PCDHGB6: variants seen among roughly 807,000 people sequenced by gnomAD.
PCDHGB6 encodes protocadherin gamma-B6.
Under a neutral mutation model 59.1 loss-of-function variants are expected in PCDHGB6, and 51 were observed. The observed-to-expected ratio is 0.86, with a 90% CI of 0.69 to 1.09. The LOEUF (loss-of-function observed/expected upper bound fraction) is 1.09, where lower values mean the gene tolerates loss of function less well. PCDHGB6 is among the 50% of genes least tolerant of loss of function. The pLI is 0.00. For synonymous variants in PCDHGB6, 466 were observed against 495.1 expected (o/e 0.94, Z 0.78); for missense variants, 1,148 against 1,205.1 (o/e 0.95, Z 0.70).
intron 1 of PCDHGB6, chr5:141,413,740 C>T (rs1274240064): frequency 5.6e-6 from 9 of 1,613,284 alleles, no homozygotes; most frequent in African/African-American, 1.3e-5. Flanking sequence ...AGTTCAGAGC[C>T]GTGCCAATGG....
chr5:141,415,020 C>T, intron 1 of PCDHGB6: 2 of 1,613,560 alleles, frequency 1.2e-6, no homozygotes, highest in Non-Finnish European at 1.7e-6. Context: ...TGCTCAAGGC[C>T]AGCGAGCCGG....
At chr5:141,414,026 C>A in intron 1 of PCDHGB6, 1 of 1,612,468 alleles carries the variant, frequency 6.2e-7, no homozygotes, top group Non-Finnish European at 8.5e-7. Flanking sequence ...GTGACATATT[C>A]ATTCCGAAAA....
intron 1 of PCDHGB6, chr5:141,416,320 A>G (rs1482631457): frequency 1.3e-5 from 2 of 152,208 alleles, no homozygotes; most frequent in East Asian, 1.9e-4. Flanking sequence ...TAGCATTTTA[A>G]TTTAACTTTC....
intron 1 of PCDHGB6, chr5:141,478,355 G>A: frequency 6.2e-7 from 1 of 1,613,742 alleles, no homozygotes; most frequent in Non-Finnish European, 8.5e-7. Context: ...CGCGGACGCC[G>A]TGCGGGGAGG....
At position 141,493,904 on chromosome 5, in the gene PCDHGB6, G is replaced by A. The variant is rs1204744465; in HGVS notation, c.2419-903G>A. Among the ~76,000 whole-genome samples, 1 of 152,216 alleles carries A rather than the reference G, an allele frequency of 6.6e-6. No individual in the cohort carries two copies. Among genetic ancestry groups the A allele is most frequent in the Non-Finnish European group, 1.5e-5 (1 of 68,028 alleles). On this transcript the variant is annotated intron_variant, in intron 1 of 3. Transcript: ENST00000520790. The surrounding 1 kb of genome is among the most constrained non-coding windows in gnomAD (Gnocchi z 4.3). ...GGCTCTAGGAGTGCTCCATGAGAGT[G>A]TGTGATGGGATAACACACCCCCTGG...
intron 1 of PCDHGB6, among the ~76,000 whole-genome samples, chr5:141,482,052 T>G (rs2099551017): frequency 6.7e-6 from 1 of 150,154 alleles, no homozygotes; most frequent in Non-Finnish European, 1.5e-5. Flanking sequence ...GCTGTTGCAT[T>G]CCAGCCTGGG....
chr5:141,428,267 T>C, intron 1 of PCDHGB6: 1 of 796,264 alleles, frequency 1.3e-6, no homozygotes, highest in Non-Finnish European at 2.1e-6. Context: ...GACAGTCCTG[T>C]GCCCTCTGAT....
chr5:141,505,546 C>T (rs555460173), intron 3 of PCDHGB6, 65 bp downstream of exon 3: 36 of 1,608,242 alleles, frequency 2.2e-5, no homozygotes, highest in South Asian at 7.7e-5. Context: ...CATCTCACAG[C>T]CACCATGCCC....
chr5:141,427,798 T>A, intron 1 of PCDHGB6: 1 of 1,506,550 alleles, frequency 6.6e-7, no homozygotes. Context: ...TACGTGTCCG[T>A]GAGCGCACAG....
Position 141,485,428 on chromosome 5 carries a change from C to T in PCDHGB6, c.2419-9379C>T, listed in dbSNP as rs2099613200. Reference sequence around the variant, plus strand: ...TGGATTTGGACAGCGGAGCCCTGCTCATCAAGAACCCAATCGACCGAGAGG... The same window carrying T: ...TGGATTTGGACAGCGGAGCCCTGCTTATCAAGAACCCAATCGACCGAGAGG... On this transcript the variant is annotated intron_variant, in intron 1 of 3. Transcript: ENST00000520790. The surrounding 1 kb of genome is among the most constrained non-coding windows in gnomAD (Gnocchi z 5.7). The T allele has an allele frequency of 2.5e-6, 4 of 1,614,160 alleles. No homozygotes were observed. The highest frequency in any genetic ancestry group is 3.4e-6 in the Non-Finnish European group (4 of 1,180,022).
rs1430647254 is a variant in PCDHGB6 at position 141,477,750 on chromosome 5, C to T, written c.2419-17057C>T. On this transcript the variant is annotated intron_variant, in intron 1 of 3. Coordinates refer to ENST00000520790, the MANE Select transcript of PCDHGB6 (RefSeq NM_018926.3). This position sits in a 1 kb window ranked among gnomAD's most constrained non-coding sequence, Gnocchi z 4.9. ...GCTCATATCAGCGATGGGGGCACCC[C>T]GGTCCTAGCCACCAACATCAGCGTG... 8 of 1,613,772 alleles carry T rather than the reference C, an allele frequency of 5.0e-6. No individual in the cohort carries two copies. Among genetic ancestry groups the T allele is most frequent in the East Asian group, 2.2e-5 (1 of 44,890 alleles).
At chr5:141,426,427 G>A in intron 1 of PCDHGB6, 2 of 293,710 alleles carry the variant, frequency 6.8e-6, no homozygotes, top group Non-Finnish European at 1.3e-5. Context: ...CTCCGTGGTG[G>A]GGAACCTTGC....
rs144203659 is a variant in PCDHGB6, at chr5:141,431,011, G to A, written c.2418+20391G>A. The A allele has an allele frequency of 1.5e-5, 24 of 1,613,168 alleles. No individual in the cohort carries two copies. The highest frequency in any genetic ancestry group is 1.7e-5 in the Non-Finnish European group (20 of 1,179,310). ...CCCTGAATCCGCGCAGCGGCAGCTTGGTCACGGCGGGCAGGATAGACCGGG... is the reference window on the plus strand; with the variant it reads ...CCCTGAATCCGCGCAGCGGCAGCTTAGTCACGGCGGGCAGGATAGACCGGG... On this transcript the variant is annotated intron_variant, in intron 1 of 3. Transcript: ENST00000520790. This position sits in a 1 kb window ranked among gnomAD's most constrained non-coding sequence, Gnocchi z 4.8.
In PCDHGB6 at chr5:141,485,099, G is replaced by T; in HGVS notation, c.2419-9708G>T. The T allele has an allele frequency of 8.7e-7, 1 of 1,145,218 alleles. No individual in the cohort carries two copies. Among genetic ancestry groups the T allele is most frequent in the Non-Finnish European group, 1.3e-6 (1 of 775,682 alleles). 70.9% of individuals were successfully genotyped at this position (1,145,218 alleles called of 1,614,324 possible). A position where few individuals can be genotyped will look rare whatever the true frequency, so the allele number is the denominator to read the frequency against. ...GGGGAAAGGGAGATAGGTGTCTCCA[G>T]CTGCTGTGGCTGTTTGGGGCGGGTC... On this transcript the variant is annotated intron_variant, in intron 1 of 3. Transcript: ENST00000520790. The surrounding 1 kb of genome is among the most constrained non-coding windows in gnomAD (Gnocchi z 5.7).
intron 2 of PCDHGB6, among the ~76,000 whole-genome samples, chr5:141,503,088 C>T (rs1003234288): frequency 4.0e-5 from 6 of 151,864 alleles, no homozygotes; most frequent in Admixed American, 1.3e-4. Context: ...CTCCTGACCT[C>T]GTGGTCTGCC....
At chr5:141,427,945 A>G (rs747625541) in intron 1 of PCDHGB6, 22 of 1,586,364 alleles carry the variant, frequency 1.4e-5, no homozygotes, top group Middle Eastern at 1.7e-4. Flanking sequence ...GGCGACCTCA[A>G]TGACAATGTG....
At chr5:141,443,953 T>C (rs1373953428) in intron 1 of PCDHGB6, among the ~76,000 whole-genome samples, 1 of 152,142 alleles carries the variant, frequency 6.6e-6, no homozygotes, top group Non-Finnish European at 1.5e-5. Context: ...CTTATTGGTA[T>C]GTATTCTGTG....
intron 1 of PCDHGB6, chr5:141,423,860 G>A: frequency 7.8e-7 from 1 of 1,283,074 alleles, no homozygotes; most frequent in Non-Finnish European, 9.9e-7. Context: ...ACGTTTTTGT[G>A]AAAGTCATTT....
intron 1 of PCDHGB6, chr5:141,430,753 G>C (rs1175014357): frequency 6.6e-7 from 1 of 1,504,258 alleles, no homozygotes. Context: ...TCTGGAGGAA[G>C]ATAAGAATGA....
Sources: allele counts gnomAD v4.1 joint callset (sites outside exome capture counted in the v4.1 genomes callset), GRCh38; gene constraint gnomAD v4.1.1; non-coding constraint Gnocchi (gnomAD v3.1); transcripts MANE v1.5; gene names NCBI Gene and HGNC (gene_info 2026-07-23, HGNC 2026-07-21).